NTNG2: variants seen among roughly 807,000 people sequenced by gnomAD.
NTNG2 encodes the protein netrin G2.
A neutral mutation model predicts 47.6 loss-of-function variants in NTNG2; 15 were observed. That is an observed-to-expected ratio of 0.32 (90% CI 0.21 to 0.49). NTNG2 has a LOEUF of 0.49. Among genes scored for constraint, NTNG2 ranks in the 20% least tolerant of loss-of-function variants. The pLI, the probability that NTNG2 is intolerant of heterozygous loss-of-function variation, is 0.99. For missense variants in NTNG2, 578 were observed against 764.6 expected, an observed-to-expected ratio of 0.76 and a Z score of 2.88; for synonymous variants, 307 against 324.6, an observed-to-expected ratio of 0.95 and a Z score of 0.58.
chr9:132,189,064 C>CTTTTTTTTTT (rs1179386814), intron 2 of NTNG2, among the ~76,000 whole-genome samples: 14 of 61,754 alleles, frequency 2.3e-4, no homozygotes, highest in East Asian at 4.4e-4. Context: ...GGCTTTAAGC[C>CTTTTTTTTTT]TTTCTTTTTT....
rs1236782560 is a variant in NTNG2 at position 132,231,414 on chromosome 9, T to C, written c.1054+819T>C. ...CCAAATCTCAGAGATGCTTCTGGGG[T>C]GCACCGTCACCCTCCACCAGGGCTC... On this transcript the variant is annotated intron_variant, in intron 5 of 7. Transcript: ENST00000393229. This position sits in a 1 kb window ranked among gnomAD's most constrained non-coding sequence, Gnocchi z 4.1. The C allele has an allele frequency of 4.5e-6, 2 of 446,884 alleles. No individual in the cohort carries two copies. Among genetic ancestry groups the C allele is most frequent in the South Asian group, 3.1e-5 (2 of 63,688 alleles). The allele number at this position is 446,884 out of a possible 1,614,324, so 27.7% of individuals were successfully genotyped here.
In NTNG2 at chr9:132,230,178, C is replaced by G. The variant is rs182869991; in HGVS notation, c.1031-394C>G. Among the ~76,000 whole-genome samples the G allele has an allele frequency of 2.6e-5, 4 of 152,380 alleles. No homozygotes were observed. The East Asian group carries it at 7.7e-4, about 29-fold the overall frequency. ...CCACACTGCACTTCTTAGACAGGAA[C>G]ACTCCATACGATGTCCCTGTCCTGC... On this transcript the variant is annotated intron_variant, in intron 4 of 7. Transcript: ENST00000393229.
intron 3 of NTNG2, among the ~76,000 whole-genome samples, chr9:132,202,600 T>G (rs1838856029): frequency 6.6e-6 from 1 of 152,170 alleles, no homozygotes. Context: ...CTTCAGACTG[T>G]GCAGCAAATC....
intron 2 of NTNG2, among the ~76,000 whole-genome samples, chr9:132,173,591 T>C (rs11788925): frequency 0.091 from 13,883 of 152,130 alleles, 816 homozygotes; most frequent in Non-Finnish European, 0.13. Flanking sequence ...TTACTGTGGG[T>C]ATAATGACAA....
chr9:132,167,645 T>G (rs1300063163), intron 2 of NTNG2, among the ~76,000 whole-genome samples: 1 of 152,136 alleles, frequency 6.6e-6, no homozygotes, highest in African/African-American at 2.4e-5. Context: ...CATTCCTACA[T>G]GCAATGATGG....
chr9:132,164,855 G>A (rs530896866), intron 1 of NTNG2, among the ~76,000 whole-genome samples: 10 of 152,364 alleles, frequency 6.6e-5, no homozygotes, highest in South Asian at 2.1e-4. Flanking sequence ...TGGGGCCCTG[G>A]CTGGGGGCTG....
In NTNG2 at chr9:132,218,323, G is replaced by A. The variant is rs559135524; in HGVS notation, c.858-8526G>A. Among the ~76,000 whole-genome samples the A allele has an allele frequency of 3.3e-5, 5 of 152,330 alleles. No homozygotes were observed. The highest frequency in any genetic ancestry group is 6.5e-5 in the Admixed American group (1 of 15,300). On this transcript the variant is annotated intron_variant, in intron 3 of 7. Coordinates refer to ENST00000393229, the MANE Select transcript of NTNG2 (RefSeq NM_032536.4). The surrounding 1 kb of genome is among the most constrained non-coding windows in gnomAD (Gnocchi z 5.4). ...GTCTCAGTTTCCCCATCTGCACAAC[G>A]AAGATAATAATGACATGTCATTCAG... is the stretch of plus-strand genomic sequence containing the variant.
intron 3 of NTNG2, among the ~76,000 whole-genome samples, chr9:132,207,530 C>T (rs965397543): frequency 6.6e-6 from 1 of 152,206 alleles, no homozygotes; most frequent in Non-Finnish European, 1.5e-5. Context: ...CGGATAAGGG[C>T]CCGCCCTCCT....
At chr9:132,175,770 G>A (rs573453627) in intron 2 of NTNG2, among the ~76,000 whole-genome samples, 15 of 152,244 alleles carry the variant, frequency 9.9e-5, no homozygotes, top group Middle Eastern at 3.4e-3. Flanking sequence ...CTGAGAGAGC[G>A]AGAATACGCC....
In NTNG2 at chr9:132,198,559, G is replaced by C. The variant is rs1401705133; in HGVS notation, c.807G>C (p.Glu269Asp). The change falls in exon 3 of 8, where the codon GAG becomes GAC. Residue 269 changes from glutamate to aspartate, a missense_variant. Transcript: ENST00000393229. ...PALGGTYVQR[E>D]NLYKYFYAIS... The stretch of plus-strand genomic sequence containing the variant: ...TGGGCGGCACCTATGTGCAGCGGGA[G>C]AACCTCTACAAGTACTTCTACGCCA... 1.2e-6 allele frequency: 2 copies of C among 1,612,942 alleles called. No individual in the cohort carries two copies. Among genetic ancestry groups the C allele is most frequent in the African/African-American group, 2.7e-5 (2 of 74,952 alleles).
At position 132,226,716 on chromosome 9, in the gene NTNG2, T is replaced by G; in HGVS notation, c.858-133T>G. 1 of 675,418 alleles carries G rather than the reference T, an allele frequency of 1.5e-6. No individual in the cohort carries two copies. The highest frequency in any genetic ancestry group is 2.3e-5 in the South Asian group (1 of 43,548). The allele number at this position is 675,418 out of a possible 1,614,324, so 41.8% of individuals were successfully genotyped here. On this transcript the variant is annotated intron_variant, in intron 3 of 7. Transcript: ENST00000393229. This position sits in a 1 kb window ranked among gnomAD's most constrained non-coding sequence, Gnocchi z 4.8. The stretch of plus-strand genomic sequence containing the variant: ...GTTTCTGGCCTAAAGGTTGGGCTGG[T>G]GGCCTCCAGGGTTTCTTCCTGGGCA...
chr9:132,203,269 G>A (rs187054176), intron 3 of NTNG2, among the ~76,000 whole-genome samples: 2 of 152,256 alleles, frequency 1.3e-5, no homozygotes, highest in East Asian at 3.9e-4. Flanking sequence ...GAGCCTGGGA[G>A]GTTGAGGCTG....
chr9:132,181,915 G>A (rs1455769129), intron 2 of NTNG2, among the ~76,000 whole-genome samples: 3 of 152,202 alleles, frequency 2.0e-5, no homozygotes, highest in African/African-American at 4.8e-5. Flanking sequence ...GACACGAGTC[G>A]CTCTGGATCT....
intron 2 of NTNG2, among the ~76,000 whole-genome samples, chr9:132,188,090 G>C (rs1379647126): frequency 3.9e-5 from 6 of 152,232 alleles, no homozygotes; most frequent in African/African-American, 1.4e-4. Flanking sequence ...AAATGGCAGA[G>C]GCCACATCCA....
chr9:132,232,543 G>A (rs1321581066), intron 5 of NTNG2: 1 of 152,552 alleles, frequency 6.6e-6, no homozygotes, highest in East Asian at 1.9e-4. Context: ...CTCTCACCTG[G>A]ACTCACCTGG....
At chr9:132,237,610 C>A (rs1841723248) in intron 5 of NTNG2, among the ~76,000 whole-genome samples, 1 of 152,176 alleles carries the variant, frequency 6.6e-6, no homozygotes, top group Admixed American at 6.5e-5. Context: ...GGATAGAGGA[C>A]CGATGCCTGG....
rs1332929511 is a variant in NTNG2 at position 132,231,163 on chromosome 9, T to A, written c.1054+568T>A. On this transcript the variant is annotated intron_variant, in intron 5 of 7. Coordinates refer to ENST00000393229, the MANE Select transcript of NTNG2 (RefSeq NM_032536.4). The surrounding 1 kb of genome is among the most constrained non-coding windows in gnomAD (Gnocchi z 4.1). The stretch of plus-strand genomic sequence containing the variant: ...AGGGGAGTCGGACCAGGGAGGGGCA[T>A]CTGCAGGAGGTGGGGGTCCTGAGAG... The A allele has an allele frequency of 5.2e-6, 2 of 382,256 alleles. No individual in the cohort carries two copies. Among genetic ancestry groups the A allele is most frequent in the Non-Finnish European group, 1.0e-5 (2 of 190,930 alleles). The allele number at this position is 382,256 out of a possible 1,614,324, so 23.7% of individuals were successfully genotyped here.
intron 2 of NTNG2, among the ~76,000 whole-genome samples, chr9:132,190,559 A>G (rs991468471): frequency 4.6e-5 from 7 of 152,304 alleles, no homozygotes; most frequent in African/African-American, 1.4e-4. Context: ...GGAAGTTCAA[A>G]TGGCTGGGCT....
At chr9:132,176,155 C>T (rs1836432609) in intron 2 of NTNG2, among the ~76,000 whole-genome samples, 4 of 151,778 alleles carry the variant, frequency 2.6e-5, no homozygotes, top group Admixed American at 2.6e-4. Flanking sequence ...TTGAGACCAG[C>T]CTGGGCAATG....
Sources: gnomAD v4.1 joint callset for allele counts (sites outside exome capture counted in the v4.1 genomes callset) on GRCh38, gnomAD v4.1.1 for gene constraint, Gnocchi (gnomAD v3.1) non-coding constraint, MANE v1.5 for transcripts, NCBI Gene and HGNC (gene_info 2026-07-23, HGNC 2026-07-21) for gene names.